Variants in EXOC6B observed in about 807,000 individuals in gnomAD.
The protein encoded by EXOC6B is exocyst complex component 6B, also known as SEC15 homolog B.
Under a neutral mutation model 113.5 loss-of-function variants are expected in EXOC6B, and 54 were observed. The observed-to-expected ratio is 0.48, with a 90% confidence interval of 0.38 to 0.60. The LOEUF is 0.60. Ranked by LOEUF, EXOC6B falls within the 20% of genes least tolerant of loss-of-function variation. The pLI is 0.00. For missense variants in EXOC6B, 797 were observed against 977.5 expected (o/e 0.82, Z 2.46); for synonymous variants, 357 against 339.0 (o/e 1.05, Z -0.58).
chr2:72,261,150 A>G (rs898286094), intron 20 of EXOC6B, among the ~76,000 whole-genome samples: 1 of 152,202 alleles, frequency 6.6e-6, no homozygotes, highest in Non-Finnish European at 1.5e-5. Flanking sequence ...CAGATGAAGC[A>G]AAATTGCTAC....
At chr2:72,293,823 T>C (rs905232853) in intron 20 of EXOC6B, among the ~76,000 whole-genome samples, 14 of 152,106 alleles carry the variant, frequency 9.2e-5, no homozygotes, top group African/African-American at 2.9e-4. Flanking sequence ...TAGTGAATCA[T>C]ACATCTGTTG....
At chr2:72,403,206 T>C (rs1476738194) in intron 18 of EXOC6B, among the ~76,000 whole-genome samples, 2 of 152,226 alleles carry the variant, frequency 1.3e-5, no homozygotes, top group Non-Finnish European at 2.9e-5. Flanking sequence ...AGACAGTCTA[T>C]TGTATGTCTG....
At chr2:72,767,292 G>A (rs1383068214) in intron 1 of EXOC6B, among the ~76,000 whole-genome samples, 3 of 151,964 alleles carry the variant, frequency 2.0e-5, no homozygotes, top group Non-Finnish European at 4.4e-5. Flanking sequence ...TTAGCAGGGT[G>A]TAGTGCCGGG....
intron 6 of EXOC6B, among the ~76,000 whole-genome samples, chr2:72,646,005 C>T (rs182754539): frequency 4.4e-4 from 67 of 152,144 alleles, no homozygotes; most frequent in East Asian, 3.9e-3. Flanking sequence ...AATCCAGGAG[C>T]TGGTTTTTTG....
At chr2:72,631,816 T>C (rs1043615208) in intron 6 of EXOC6B, among the ~76,000 whole-genome samples, 11 of 151,968 alleles carry the variant, frequency 7.2e-5, no homozygotes, top group Non-Finnish European at 1.6e-4. Context: ...CCCCATCCAA[T>C]CATAACGCTT....
chr2:72,801,234 C>T (rs1319547077), intron 1 of EXOC6B, among the ~76,000 whole-genome samples: 1 of 152,186 alleles, frequency 6.6e-6, no homozygotes. Flanking sequence ...CTATCAATAA[C>T]TGTACCTTGT....
intron 20 of EXOC6B, among the ~76,000 whole-genome samples, chr2:72,189,590 C>T (rs758488744): frequency 2.0e-5 from 3 of 152,162 alleles, no homozygotes; most frequent in Non-Finnish European, 4.4e-5. Context: ...CGGTTGAAAA[C>T]TGCTGATATC....
intron 1 of EXOC6B, among the ~76,000 whole-genome samples, chr2:72,822,442 T>C (rs913548853): frequency 6.6e-6 from 1 of 152,190 alleles, no homozygotes; most frequent in Admixed American, 6.5e-5. Flanking sequence ...ATCCTTATGA[T>C]AGATGGGAAT....
chr2:72,365,155 T>G (rs1469676329), intron 19 of EXOC6B, among the ~76,000 whole-genome samples: 1 of 152,170 alleles, frequency 6.6e-6, no homozygotes, highest in Admixed American at 6.6e-5. Flanking sequence ...TGCTTATTTA[T>G]GAATGGTAAG....
At chr2:72,471,387 A>C (rs937429198) in intron 17 of EXOC6B, among the ~76,000 whole-genome samples, 14 of 151,598 alleles carry the variant, frequency 9.2e-5, no homozygotes, top group African/African-American at 2.7e-4. Context: ...GAGTAGGTTG[A>C]AAAAATTTTC....
At chr2:72,759,179 G>A (rs1682606255) in intron 1 of EXOC6B, among the ~76,000 whole-genome samples, 1 of 152,150 alleles carries the variant, frequency 6.6e-6, no homozygotes, top group Middle Eastern at 3.2e-3. Flanking sequence ...GATAATGGTA[G>A]GAACCAATTC....
intron 6 of EXOC6B, among the ~76,000 whole-genome samples, chr2:72,666,824 A>AG (rs376270262): frequency 7.4e-5 from 10 of 135,332 alleles, no homozygotes; most frequent in East Asian, 6.4e-4. Context: ...CACACACACA[A>AG]AGAAATGCCT....
intron 20 of EXOC6B, among the ~76,000 whole-genome samples, chr2:72,303,124 T>C (rs1486367738): frequency 1.3e-5 from 2 of 152,184 alleles, no homozygotes; most frequent in Non-Finnish European, 2.9e-5. Context: ...GTTTTTTTCT[T>C]TAAGAATGTT....
intron 1 of EXOC6B, among the ~76,000 whole-genome samples, chr2:72,763,706 G>A (rs1286869361): frequency 1.3e-5 from 2 of 152,118 alleles, no homozygotes; most frequent in African/African-American, 2.4e-5. Context: ...TTGCAGGCAT[G>A]AGCCATCACA....
At chr2:72,273,745 T>C (rs1032521904) in intron 20 of EXOC6B, among the ~76,000 whole-genome samples, 3 of 152,092 alleles carry the variant, frequency 2.0e-5, no homozygotes, top group Non-Finnish European at 4.4e-5. Context: ...AAGGTACTTA[T>C]ATGCAAGGGC....
At position 72,671,901 on chromosome 2, in the gene EXOC6B, GAGAA is replaced by G. The variant is rs776339640; in HGVS notation, c.669+46198_669+46201del. Among the ~76,000 whole-genome samples, 52 of 148,424 alleles carry G rather than the reference GAGAA, an allele frequency of 3.5e-4. No individual in the cohort carries two copies. In the East Asian group the frequency reaches 4.6e-3, roughly 13 times the overall value. On this transcript the variant is annotated intron_variant, in intron 6 of 21. Coordinates refer to ENST00000272427, the MANE Select transcript of EXOC6B (RefSeq NM_015189.3). ...GAAGGAAGGAAGGAAGGAAAAGAAA[GAGAA>G]AGAAAGAAAGAAAAGAAAGAAAGAG...
chr2:72,399,046 C>G (rs1237016712), intron 18 of EXOC6B, among the ~76,000 whole-genome samples: 1 of 150,776 alleles, frequency 6.6e-6, no homozygotes, highest in East Asian at 1.9e-4. Flanking sequence ...AGCCAATATC[C>G]CTGATTAACA....
intron 7 of EXOC6B, among the ~76,000 whole-genome samples, chr2:72,566,821 A>G (rs1015651442): frequency 6.6e-6 from 1 of 152,106 alleles, no homozygotes; most frequent in Non-Finnish European, 1.5e-5. Context: ...CATCCAAACA[A>G]TGGAGTACTA....
chr2:72,449,327 C>T (rs1050364884), intron 18 of EXOC6B, among the ~76,000 whole-genome samples: 3 of 151,966 alleles, frequency 2.0e-5, no homozygotes, highest in Non-Finnish European at 2.9e-5. Context: ...GGACTACAGA[C>T]GCCCAGCTAA....
Sources: allele counts gnomAD v4.1 joint callset (sites outside exome capture counted in the v4.1 genomes callset), GRCh38; gene constraint gnomAD v4.1.1; transcripts MANE v1.5; gene names NCBI Gene and HGNC (gene_info 2026-07-23, HGNC 2026-07-21).